PLPPR5: variants seen among roughly 807,000 people sequenced by gnomAD.
PLPPR5 encodes the protein phospholipid phosphatase related 5.
In PLPPR5, 16 loss-of-function variants were observed where a neutral mutation model predicts 33.9. The ratio of observed to expected loss-of-function variants is 0.47; its 90% confidence interval spans 0.32 to 0.72. The LOEUF (loss-of-function observed/expected upper bound fraction) is 0.72. Ranked by LOEUF, PLPPR5 falls within the 30% of genes least tolerant of loss-of-function variation. PLPPR5 has a pLI of 0.03. For synonymous variants in PLPPR5, 163 were observed against 150.3 expected (o/e 1.08, Z -0.62); for missense variants, 301 against 406.7 (o/e 0.74, Z 2.23).
intron 5 of PLPPR5, among the ~76,000 whole-genome samples, chr1:98,910,586 G>T (rs762674167): frequency 6.6e-5 from 10 of 152,152 alleles, no homozygotes; most frequent in Non-Finnish European, 1.3e-4. Context: ...ATTTAAGAAA[G>T]ATTAATAAAA....
At chr1:98,894,185 T>A (rs761041490) in intron 5 of PLPPR5, among the ~76,000 whole-genome samples, 7 of 151,860 alleles carry the variant, frequency 4.6e-5, no homozygotes, top group African/African-American at 7.3e-5. Context: ...GAATCAGGAG[T>A]GAGCAGAGCA....
At chr1:99,005,242 AC>A (rs1653043715), upstream of PLPPR5, among the ~76,000 whole-genome samples, 1 of 152,016 alleles carries the variant, frequency 6.6e-6, no homozygotes, top group South Asian at 2.1e-4. Flanking sequence ...GGTTTAAGAA[AC>A]CCGCACAACG....
In PLPPR5 at chr1:99,001,671, G is replaced by GATATATATATATATATAT. The variant is rs55722150; in HGVS notation, c.237+2746_237+2763dup. On this transcript the variant is annotated intron_variant, in intron 1 of 5. Transcript: ENST00000263177. ...ACTAGAAATGAGTTTGAAAGTTAAA[G>GATATATATATATATATAT]ATATATATATATATATATATATATA... Among the ~76,000 whole-genome samples, 48 of 102,184 alleles carry GATATATATATATATATAT rather than the reference G, an allele frequency of 4.7e-4. 1 individual carries two copies. Among genetic ancestry groups the GATATATATATATATATAT allele is most frequent in the South Asian group, 6.6e-4 (2 of 3,024 alleles). The allele number at this position is 102,184 out of a possible 152,430, so 67.0% of individuals were successfully genotyped here.
intron 1 of PLPPR5, among the ~76,000 whole-genome samples, chr1:98,991,556 C>T (rs1373561731): frequency 6.6e-6 from 1 of 152,098 alleles, no homozygotes; most frequent in African/African-American, 2.4e-5. Context: ...GTAGAAAGGG[C>T]TCATGTCCAT....
intron 4 of PLPPR5, 130 bp downstream of exon 4, chr1:98,921,752 T>C (rs1649561174): frequency 1.4e-6 from 1 of 716,320 alleles, no homozygotes; most frequent in Admixed American, 3.0e-5. Flanking sequence ...ATTTGTTTTA[T>C]ATACTTAAAT....
chr1:98,945,571 A>G (rs772385822), intron 3 of PLPPR5, among the ~76,000 whole-genome samples: 27 of 152,210 alleles, frequency 1.8e-4, no homozygotes, highest in Non-Finnish European at 3.4e-4. Flanking sequence ...GCTGTAAAAC[A>G]GACTAGCTGA....
intron 1 of PLPPR5, among the ~76,000 whole-genome samples, chr1:98,984,276 C>A (rs1316376524): frequency 6.6e-6 from 1 of 152,002 alleles, no homozygotes; most frequent in Admixed American, 6.6e-5. Flanking sequence ...ATGACCCAAC[C>A]CTGCAGTCTT....
At chr1:98,955,157 C>T (rs571238226) in intron 2 of PLPPR5, among the ~76,000 whole-genome samples, 63 of 152,196 alleles carry the variant, frequency 4.1e-4, no homozygotes, top group African/African-American at 1.3e-3. Flanking sequence ...GCTTCGCTTA[C>T]ATGCTTCCAC....
intron 1 of PLPPR5, among the ~76,000 whole-genome samples, chr1:98,959,795 G>A (rs972509596): frequency 7.9e-5 from 12 of 152,176 alleles, no homozygotes; most frequent in Admixed American, 6.5e-4. Flanking sequence ...TCAGTCCGAT[G>A]AGCCAAGGTT....
intron 1 of PLPPR5, among the ~76,000 whole-genome samples, chr1:98,992,896 A>G (rs989170324): frequency 6.6e-6 from 1 of 152,126 alleles, no homozygotes; most frequent in African/African-American, 2.4e-5. Context: ...GAGAAGGGCC[A>G]TCCCTGTATT....
At chr1:98,967,689 T>A (rs1260124471) in intron 1 of PLPPR5, among the ~76,000 whole-genome samples, 1 of 152,068 alleles carries the variant, frequency 6.6e-6, no homozygotes, top group East Asian at 1.9e-4. Context: ...AATAATGCCA[T>A]CATGGGGCTG....
chr1:98,977,923 A>G (rs966372211), intron 1 of PLPPR5, among the ~76,000 whole-genome samples: 1 of 151,980 alleles, frequency 6.6e-6, no homozygotes, highest in African/African-American at 2.4e-5. Context: ...GGCATGGTAG[A>G]ATATCAAGAA....
At chr1:98,984,215 G>A (rs765731585) in intron 1 of PLPPR5, among the ~76,000 whole-genome samples, 31 of 151,958 alleles carry the variant, frequency 2.0e-4, no homozygotes, top group Non-Finnish European at 3.2e-4. Context: ...GGCAGTGCCC[G>A]CCAGCATCAA....
intron 1 of PLPPR5, among the ~76,000 whole-genome samples, chr1:98,975,679 C>T (rs142658007): frequency 4.4e-4 from 67 of 152,008 alleles, no homozygotes; most frequent in Non-Finnish European, 8.2e-4. Flanking sequence ...GAAAAAGGGT[C>T]GGCTGGGACC....
chr1:98,921,114 C>T (rs1404755505), intron 4 of PLPPR5, among the ~76,000 whole-genome samples: 1 of 151,976 alleles, frequency 6.6e-6, no homozygotes, highest in African/African-American at 2.4e-5. Context: ...TTGACTATTG[C>T]CTCTGGTTAA....
intron 1 of PLPPR5, among the ~76,000 whole-genome samples, chr1:98,973,038 G>A (rs530757947): frequency 6.6e-5 from 10 of 152,086 alleles, no homozygotes; most frequent in Admixed American, 1.3e-4. Context: ...TAGCAGAGTG[G>A]ACAGAGAAGA....
At chr1:98,954,834 A>G (rs943642395) in intron 2 of PLPPR5, among the ~76,000 whole-genome samples, 2 of 152,132 alleles carry the variant, frequency 1.3e-5, no homozygotes, top group African/African-American at 4.8e-5. Flanking sequence ...GGGAACCTAA[A>G]TCACAAGTCT....
intron 1 of PLPPR5, among the ~76,000 whole-genome samples, chr1:99,003,435 G>A (rs1225742656): frequency 6.6e-6 from 1 of 151,734 alleles, no homozygotes; most frequent in Non-Finnish European, 1.5e-5. Flanking sequence ...ATCTGTTGAG[G>A]GAGAGAGAGA....
intron 4 of PLPPR5, among the ~76,000 whole-genome samples, chr1:98,917,353 C>T (rs141008013): frequency 2.5e-3 from 380 of 152,314 alleles, no homozygotes; most frequent in African/African-American, 8.7e-3. Context: ...CCACCTGTTG[C>T]CTGGATTCCT....
Sources: allele counts gnomAD v4.1 joint callset (sites outside exome capture counted in the v4.1 genomes callset), GRCh38; gene constraint gnomAD v4.1.1; transcripts MANE v1.5; gene names NCBI Gene and HGNC (gene_info 2026-07-23, HGNC 2026-07-21).